The following ELP4 variants were observed in gnomAD, a reference collection of about 807,000 sequenced individuals.
The protein encoded by ELP4 is elongator acetyltransferase complex subunit 4, also known as elongator complex protein 4.
In ELP4, 51 loss-of-function variants were observed where a neutral mutation model predicts 48.9. The ratio of observed to expected loss-of-function variants is 1.04; its 90% CI spans 0.83 to 1.32. The LOEUF (loss-of-function observed/expected upper bound fraction) is 1.32, where lower values mean the gene tolerates loss of function less well. Among genes scored for constraint, ELP4 ranks in the 40% most tolerant of loss-of-function variants. The pLI is 0.00. For missense variants in ELP4, 519 were observed against 514.6 expected (o/e 1.01, Z -0.08); for synonymous variants, 210 against 189.2 (o/e 1.11, Z -0.90).
intron 9 of ELP4, among the ~76,000 whole-genome samples, chr11:31,743,699 C>T (rs915175527): frequency 7.6e-4 from 116 of 152,002 alleles, no homozygotes; most frequent in Admixed American, 4.6e-3. Context: ...TTGCAACCAA[C>T]GAGAACAAAG....
At chr11:31,743,989 C>A (rs576035628) in intron 9 of ELP4, among the ~76,000 whole-genome samples, 3 of 152,050 alleles carry the variant, frequency 2.0e-5, no homozygotes, top group African/African-American at 7.2e-5. Flanking sequence ...ATTGGTAGAC[C>A]ACTAGCAAGA....
At chr11:31,778,298 C>T (rs1948291459) in intron 9 of ELP4, among the ~76,000 whole-genome samples, 1 of 152,168 alleles carries the variant, frequency 6.6e-6, no homozygotes, top group Non-Finnish European at 1.5e-5. Flanking sequence ...TTTAAAACCT[C>T]AGAAGCAGGG....
chr11:31,668,742 A>G (rs1945740007), intron 9 of ELP4, among the ~76,000 whole-genome samples: 1 of 132,342 alleles, frequency 7.6e-6, no homozygotes, highest in African/African-American at 2.6e-5. Flanking sequence ...TAGAGAGAAA[A>G]ATAAGAAATC....
intron 9 of ELP4, among the ~76,000 whole-genome samples, chr11:31,781,906 A>C (rs910809599): frequency 2.6e-5 from 4 of 152,288 alleles, no homozygotes; most frequent in South Asian, 4.2e-4. Flanking sequence ...ATATGTCTTT[A>C]TTTGTGCTTT....
chr11:31,732,011 G>C lies in ELP4; in HGVS notation c.1144-51382G>C, dbSNP rs906635059. ...AGACTCTCCTAGATATTCAGAAGCT[G>C]TGGGAGTTCATCACCACTACACCTG... On this transcript the variant is annotated intron_variant, in intron 9 of 9. Transcript: ENST00000640961. Among the ~76,000 whole-genome samples the C allele has an allele frequency of 6.6e-5, 10 of 152,248 alleles. No homozygotes were observed. In the South Asian group the frequency reaches 2.1e-3, roughly 32 times the overall value.
chr11:31,763,733 T>C (rs1356392069), intron 9 of ELP4, among the ~76,000 whole-genome samples: 2 of 152,134 alleles, frequency 1.3e-5, no homozygotes, highest in East Asian at 3.8e-4. Context: ...CTAAGTAGAA[T>C]TTGGTGTTCA....
rs1318635419 is a variant in ELP4 at position 31,784,230 on chromosome 11, A to C, written c.*706A>C. The stretch of plus-strand genomic sequence containing the variant: ...GAAATTCAAACTGACAGCTACATTA[A>C]TGCTAGGATACCAGGAGAAAAACAT... On this transcript the variant is annotated 3_prime_UTR_variant, in exon 10 of 10. Coordinates refer to ENST00000640961, the MANE Select transcript of ELP4 (RefSeq NM_019040.5). 1 of 152,226 alleles carries C rather than the reference A, an allele frequency of 6.6e-6. No homozygotes were observed. 9.4% of individuals were successfully genotyped at this position (152,226 alleles called of 1,614,324 possible). A position where few individuals can be genotyped will look rare whatever the true frequency, so the allele number is the denominator to read the frequency against.
At chr11:31,770,881 G>A (rs1326525392) in intron 9 of ELP4, among the ~76,000 whole-genome samples, 1 of 150,440 alleles carries the variant, frequency 6.6e-6, no homozygotes, top group Non-Finnish European at 1.5e-5. Context: ...GGGAAGGATT[G>A]AAGGTATGAA....
At chr11:31,765,076 G>C (rs1948015003) in intron 9 of ELP4, among the ~76,000 whole-genome samples, 2 of 152,186 alleles carry the variant, frequency 1.3e-5, no homozygotes, top group South Asian at 4.2e-4. Context: ...TGAATTAAGA[G>C]GATGAAGAGG....
At chr11:31,629,144 C>T (rs1339171504) in intron 6 of ELP4, among the ~76,000 whole-genome samples, 2 of 151,650 alleles carry the variant, frequency 1.3e-5, no homozygotes, top group Admixed American at 6.6e-5. Context: ...TTACAAATTG[C>T]GGTCATAATT....
At chr11:31,671,143 C>A (rs887210153) in intron 9 of ELP4, among the ~76,000 whole-genome samples, 3 of 152,086 alleles carry the variant, frequency 2.0e-5, no homozygotes, top group Non-Finnish European at 2.9e-5. Context: ...AGTTTCCTTT[C>A]ACATCAGCCT....
At chr11:31,778,356 G>C (rs141220377) in intron 9 of ELP4, among the ~76,000 whole-genome samples, 101 of 152,310 alleles carry the variant, frequency 6.6e-4, no homozygotes, top group African/African-American at 2.1e-3. Context: ...CCGCAGTAGA[G>C]AGTAATTATA....
chr11:31,774,418 A>G (rs1948204942), intron 9 of ELP4, among the ~76,000 whole-genome samples: 1 of 152,170 alleles, frequency 6.6e-6, no homozygotes, highest in African/African-American at 2.4e-5. Flanking sequence ...AGGTGTAGAA[A>G]CAGTTGGGTA....
chr11:31,697,456 G>A (rs560448621), intron 9 of ELP4, among the ~76,000 whole-genome samples: 1 of 151,936 alleles, frequency 6.6e-6, no homozygotes, highest in Non-Finnish European at 1.5e-5. Context: ...TCTCTCAAAA[G>A]CAATTTGTTT....
At chr11:31,616,227 C>T (rs531996406) in intron 5 of ELP4, among the ~76,000 whole-genome samples, 5 of 151,866 alleles carry the variant, frequency 3.3e-5, no homozygotes, top group South Asian at 2.1e-4. Context: ...GTAAAAATTG[C>T]GTATAAGGAC....
At chr11:31,690,193 C>G (rs1390419937) in intron 9 of ELP4, among the ~76,000 whole-genome samples, 1 of 152,124 alleles carries the variant, frequency 6.6e-6, no homozygotes, top group Non-Finnish European at 1.5e-5. Flanking sequence ...AAGATTCAGT[C>G]AGAGGAATAG....
chr11:31,728,009 T>TA (rs1179052400), intron 9 of ELP4: 1 of 152,184 alleles, frequency 6.6e-6, no homozygotes, highest in Non-Finnish European at 1.5e-5. Context: ...AAGTGCCTGT[T>TA]ACTTTACATC....
chr11:31,528,408 A>G (rs1336496767), intron 2 of ELP4, among the ~76,000 whole-genome samples: 1 of 152,140 alleles, frequency 6.6e-6, no homozygotes, highest in African/African-American at 2.4e-5. Flanking sequence ...GAAACTCCTC[A>G]TTGCCCTAAT....
At chr11:31,595,208 A>T (rs922386469) in intron 4 of ELP4, among the ~76,000 whole-genome samples, 1 of 152,210 alleles carries the variant, frequency 6.6e-6, no homozygotes. Flanking sequence ...TAAATATTCA[A>T]TGTAAGTGAT....
Sources: allele counts gnomAD v4.1 joint callset (sites outside exome capture counted in the v4.1 genomes callset), GRCh38; gene constraint gnomAD v4.1.1; transcripts MANE v1.5; gene names NCBI Gene and HGNC (gene_info 2026-07-23, HGNC 2026-07-21).